The following PLBD2 variants were observed in gnomAD, a reference collection of about 807,000 sequenced individuals.
The protein encoded by PLBD2 is phospholipase B domain containing 2, also known as putative aminopeptidase PLBD2.
PLBD2 carries 51 observed loss-of-function variants against 68.3 expected under a neutral mutation model. The ratio of observed to expected loss-of-function variants is 0.75; its 90% CI spans 0.60 to 0.94. The LOEUF (loss-of-function observed/expected upper bound fraction) is 0.94, where lower values mean the gene tolerates loss of function less well. Ranked by LOEUF, PLBD2 falls within the 40% of genes least tolerant of loss-of-function variation. The pLI is 0.00. For missense variants in PLBD2, 729 were observed against 792.2 expected (o/e 0.92, Z 0.96); for synonymous variants, 314 against 339.3 (o/e 0.93, Z 0.82).
chr12:113,385,231 G>C lies in PLBD2; in HGVS notation c.1234G>C (p.Asp412His), dbSNP rs746513322. 7 of 1,614,150 alleles carry C rather than the reference G, an allele frequency of 4.3e-6. No homozygotes were observed. In the South Asian group the frequency reaches 7.7e-5, roughly 18 times the overall value. The part of the protein sequence containing the change: ...EQIPGMVVVA[D>H]KTSELYQKTY... Reference sequence around the variant, plus strand: ...TCTCAGCGGCATGGTGGTGGTGGCTGACAAGACCTCGGAGCTCTACCAGAA... The same window carrying C: ...TCTCAGCGGCATGGTGGTGGTGGCTCACAAGACCTCGGAGCTCTACCAGAA... The change falls in exon 9 of 12, where the codon GAC (aspartate) becomes CAC (histidine). Residue 412 changes from aspartate (D) to histidine (H), a missense_variant. Transcript: ENST00000280800.
chr12:113,362,148 C>G (rs756965134), intron 1 of PLBD2, among the ~76,000 whole-genome samples: 1 of 152,020 alleles, frequency 6.6e-6, no homozygotes, highest in Non-Finnish European at 1.5e-5. Flanking sequence ...GATTTCGAGA[C>G]CAGCTTGGGC....
intron 1 of PLBD2, among the ~76,000 whole-genome samples, chr12:113,368,365 G>A (rs1393745950): frequency 6.6e-6 from 1 of 152,210 alleles, no homozygotes; most frequent in Non-Finnish European, 1.5e-5. Flanking sequence ...GGCTGCTGGG[G>A]CAGCTCTACT....
At chr12:113,367,694 T>C (rs1346733276) in intron 1 of PLBD2, among the ~76,000 whole-genome samples, 2 of 146,144 alleles carry the variant, frequency 1.4e-5, no homozygotes, top group Non-Finnish European at 3.0e-5. Flanking sequence ...GAGGCTGCAG[T>C]GTGCCAAGAT....
chr12:113,374,563 C>T lies in PLBD2; in HGVS notation c.633C>T (p.Pro211=). ...SFPAGKFTIK[P]LGFLLLQLSG... Reference sequence around the variant, plus strand: ...CAGCTGGGAAGTTCACCATCAAACCCTTGGGGTTCCTGTAAGTGCCACCCC... The same window carrying T: ...CAGCTGGGAAGTTCACCATCAAACCTTTGGGGTTCCTGTAAGTGCCACCCC... The change falls in exon 4 of 12, where the codon CCC becomes CCT. Residue 211 remains proline, a synonymous_variant. Transcript: ENST00000280800. 1 of 1,598,082 alleles carries T rather than the reference C, an allele frequency of 6.3e-7. No homozygotes were observed. Among genetic ancestry groups the T allele is most frequent in the Non-Finnish European group, 8.5e-7 (1 of 1,172,596 alleles).
At chr12:113,381,080 A>T (rs1957485869) in intron 6 of PLBD2, among the ~76,000 whole-genome samples, 2 of 151,982 alleles carry the variant, frequency 1.3e-5, no homozygotes, top group African/African-American at 2.4e-5. Context: ...GCGTGTTTAA[A>T]CATAGACCCC....
Position 113,358,628 on chromosome 12 carries a change from G to T in PLBD2, c.28G>T (p.Gly10Cys). 1.4e-6 allele frequency: 2 copies of T among 1,468,064 alleles called. No homozygotes were observed. The highest frequency in any genetic ancestry group is 1.8e-6 in the Non-Finnish European group (2 of 1,117,320). 90.9% of individuals were successfully genotyped at this position (1,468,064 alleles called of 1,614,324 possible). A position where few individuals can be genotyped will look rare whatever the true frequency, so the allele number is the denominator to read the frequency against. MVGQMYCYP[G>C]SHLARALTRA... ...GGTGGGCCAGATGTACTGCTACCCC[G>T]GCAGCCACCTGGCCCGGGCGCTGAC... is the stretch of plus-strand genomic sequence containing the variant. Residue 10 changes from glycine to cysteine, a missense_variant, in exon 1 of 12, where the codon GGC (glycine) becomes TGC (cysteine). By Grantham distance (159) the Gly-to-Cys change is radical. Coordinates refer to ENST00000280800, the MANE Select transcript of PLBD2 (RefSeq NM_173542.4).
intron 1 of PLBD2, among the ~76,000 whole-genome samples, chr12:113,362,797 T>A (rs2136898994): frequency 6.6e-6 from 1 of 151,818 alleles, no homozygotes; most frequent in South Asian, 2.1e-4. Context: ...ATTTATTTTT[T>A]TTTTTTGAGA....
At position 113,358,671 on chromosome 12, in the gene PLBD2, C is replaced by T; in HGVS notation, c.71C>T (p.Ala24Val). The T allele has an allele frequency of 1.4e-6, 2 of 1,457,958 alleles. No homozygotes were observed. The highest frequency in any genetic ancestry group is 1.8e-6 in the Non-Finnish European group (2 of 1,112,392). The allele number at this position is 1,457,958 out of a possible 1,614,324, so 90.3% of individuals were successfully genotyped here. A position where few individuals can be genotyped will look rare whatever the true frequency, so the allele number is the denominator to read the frequency against. Residue 24 changes from alanine (A) to valine (V), a missense_variant, in exon 1 of 12, where the codon GCC (alanine) becomes GTC (valine). Ala to Val is a moderately conservative substitution (Grantham distance 64). Transcript: ENST00000280800. The stretch of plus-strand genomic sequence containing the variant: ...GCGCTGACGCGGGCGCTGGCGCTGG[C>T]CCTGGTGCTGGCCCTGCTGGTCGGG... ...ARALTRALALALVLALLVGPF... is the reference protein window; with the variant it reads ...ARALTRALALVLVLALLVGPF...
intron 1 of PLBD2, among the ~76,000 whole-genome samples, chr12:113,368,582 C>A (rs1957361333): frequency 6.6e-6 from 1 of 152,170 alleles, no homozygotes; most frequent in Admixed American, 6.5e-5. Flanking sequence ...CACAACCAAG[C>A]CCAAATGAAG....
chr12:113,362,514 C>T (rs1346145299), intron 1 of PLBD2, among the ~76,000 whole-genome samples: 1 of 151,538 alleles, frequency 6.6e-6, no homozygotes, highest in Non-Finnish European at 1.5e-5. Flanking sequence ...TCAAGAGGCA[C>T]CTTGATTAGA....
At chr12:113,359,104 C>G (rs1957263314) in intron 1 of PLBD2, among the ~76,000 whole-genome samples, 1 of 152,260 alleles carries the variant, frequency 6.6e-6, no homozygotes, top group South Asian at 2.1e-4. Flanking sequence ...GGGCCAGTCC[C>G]TTGCCTTCAG....
intron 9 of PLBD2, 132 bp from the exon 10 acceptor site, chr12:113,386,805 C>A: frequency 9.5e-7 from 1 of 1,055,970 alleles, no homozygotes; most frequent in Non-Finnish European, 1.3e-6. Context: ...AGGTGTGAGC[C>A]ACTGCACCCA....
chr12:113,388,515 G>A lies in PLBD2; in HGVS notation c.1659G>A (p.Thr553=), dbSNP rs777400304. 157 of 1,609,474 alleles carry A rather than the reference G, an allele frequency of 9.8e-5. 1 individual carries two copies. In the South Asian group the frequency reaches 1.5e-3, roughly 15 times the overall value. The part of the protein sequence containing the change: ...ILSLLAASGP[T]WDQVPPFQWS... ...GCCTGCTGGCGGCCAGCGGTCCCAC[G>A]TGGGACCAGGTGCCCCCGTTCCAGT... Residue 553 remains threonine (T), a synonymous_variant, in exon 12 of 12, where the codon ACG becomes ACA. Transcript: ENST00000280800.
chr12:113,388,687 C>A lies in PLBD2; in HGVS notation c.*61C>A. On this transcript the variant is annotated 3_prime_UTR_variant, in exon 12 of 12. Coordinates refer to ENST00000280800, the MANE Select transcript of PLBD2 (RefSeq NM_173542.4). The stretch of plus-strand genomic sequence containing the variant: ...GACCCTCGTCAGGGTCACCCCCGTC[C>A]CAAGGCCACCGGACTTCTAACTCCA... 6.7e-7 allele frequency: 1 copy of A among 1,485,460 alleles called. No homozygotes were observed. Among genetic ancestry groups the A allele is most frequent in the Non-Finnish European group, 9.0e-7 (1 of 1,115,650 alleles). 92.0% of individuals were successfully genotyped at this position (1,485,460 alleles called of 1,614,324 possible). A position where few individuals can be genotyped will look rare whatever the true frequency, so the allele number is the denominator to read the frequency against.
chr12:113,382,015 G>A (rs1295789907), intron 6 of PLBD2, among the ~76,000 whole-genome samples: 1 of 152,038 alleles, frequency 6.6e-6, no homozygotes, highest in Non-Finnish European at 1.5e-5. Flanking sequence ...TAGAAATGAG[G>A]TCTCACTATA....
In PLBD2 at chr12:113,386,576, A is replaced by G. The variant is rs187847445; in HGVS notation, c.1287-361A>G. ...GCTGTGTCGCCCAGGTTGGAGTGCA[A>G]TGGCTCGATCTCAGCTCACTGAAAC... On this transcript the variant is annotated intron_variant, in intron 9 of 11. Coordinates refer to ENST00000280800, the MANE Select transcript of PLBD2 (RefSeq NM_173542.4). Among the ~76,000 whole-genome samples, 190 of 150,568 alleles carry G rather than the reference A, an allele frequency of 1.3e-3. 1 individual carries two copies. The highest frequency in any genetic ancestry group is 4.4e-3 in the African/African-American group (179 of 40,930).
At chr12:113,387,623 G>A in intron 10 of PLBD2, 121 bp from the exon 11 acceptor site, 3 of 1,105,748 alleles carry the variant, frequency 2.7e-6, no homozygotes, top group Non-Finnish European at 4.0e-6. Flanking sequence ...AGTGTGCAGT[G>A]GGAGGGGCTC....
chr12:113,379,798 G>A (rs564945448), intron 5 of PLBD2, among the ~76,000 whole-genome samples: 52 of 151,908 alleles, frequency 3.4e-4, no homozygotes, highest in African/African-American at 1.2e-3. Context: ...GGCAAAAAGA[G>A]CGAAACTCTG....
chr12:113,377,439 T>C (rs959389203), intron 5 of PLBD2, among the ~76,000 whole-genome samples: 11 of 152,170 alleles, frequency 7.2e-5, no homozygotes. Flanking sequence ...TTTGTTTGTT[T>C]TGTTTTTAAA....
Sources: allele counts gnomAD v4.1 joint callset (sites outside exome capture counted in the v4.1 genomes callset), GRCh38; gene constraint gnomAD v4.1.1; transcripts MANE v1.5; gene names NCBI Gene and HGNC (gene_info 2026-07-23, HGNC 2026-07-21).